Variants in PKNOX2 observed in about 807,000 individuals in gnomAD.
PKNOX2 encodes homeobox protein PKNOX2.
A neutral mutation model predicts 53.1 loss-of-function variants in PKNOX2; 14 were observed. The ratio of observed to expected loss-of-function variants is 0.26; its 90% CI spans 0.17 to 0.41. The LOEUF (loss-of-function observed/expected upper bound fraction) is 0.41. Ranked by LOEUF, PKNOX2 falls within the 10% of genes least tolerant of loss-of-function variation. The pLI is 1.00. For missense variants in PKNOX2, 496 were observed against 602.8 expected (o/e 0.82, Z 1.85); for synonymous variants, 257 against 242.8 (o/e 1.06, Z -0.54).
chr11:125,411,128 G>A (rs1385317388), intron 9 of PKNOX2: 3 of 437,738 alleles, frequency 6.9e-6, no homozygotes, highest in African/African-American at 2.0e-5. Flanking sequence ...TGCAGACTGA[G>A]CCGCTGTGTC....
chr11:125,228,637 G>A lies in PKNOX2; in HGVS notation c.-200-6408G>A, dbSNP rs139342772. On this transcript the variant is annotated intron_variant, in intron 1 of 12. Coordinates refer to ENST00000298282, the MANE Select transcript of PKNOX2 (RefSeq NM_001382323.2). ...CTTTCCCTGGAGGGTCATGTGAGCC[G>A]GAGTGGTATGTGGCCTGCTTTGCAA... is the stretch of plus-strand genomic sequence containing the variant. Among the ~76,000 whole-genome samples, 261 of 152,262 alleles carry A rather than the reference G, an allele frequency of 1.7e-3. 2 individuals are homozygous for A. Among genetic ancestry groups the A allele is most frequent in the African/African-American group, 3.0e-3 (124 of 41,576 alleles).
chr11:125,341,488 C>G (rs1022832625), intron 3 of PKNOX2, among the ~76,000 whole-genome samples: 6 of 152,226 alleles, frequency 3.9e-5, no homozygotes, highest in Non-Finnish European at 8.8e-5. Flanking sequence ...CCCCTTCTCC[C>G]CCAGTGAACA....
intron 2 of PKNOX2, among the ~76,000 whole-genome samples, chr11:125,286,763 AG>A (rs1380370302): frequency 6.6e-6 from 1 of 152,212 alleles, no homozygotes. Flanking sequence ...TCTGTCTGGG[AG>A]GGACATCTGC....
At chr11:125,178,678 G>GAA (rs1315026162) in intron 1 of PKNOX2, among the ~76,000 whole-genome samples, 1,927 of 77,780 alleles carry the variant, frequency 0.025, 166 homozygotes, top group African/African-American at 0.026. Context: ...AGGAAAGAAA[G>GAA]AGAGAGAGAG....
chr11:125,259,094 T>A (rs139047120), intron 2 of PKNOX2: 2,020 of 159,394 alleles, frequency 0.013, 20 homozygotes, highest in South Asian at 0.025. Flanking sequence ...TCCAGAGTAT[T>A]CATTCTCGGT....
At chr11:125,238,288 TG>T (rs905311281) in intron 2 of PKNOX2, among the ~76,000 whole-genome samples, 2 of 152,146 alleles carry the variant, frequency 1.3e-5, no homozygotes, top group African/African-American at 4.8e-5. Flanking sequence ...TGAGTGGACT[TG>T]GTCTTGATAA....
intron 3 of PKNOX2, among the ~76,000 whole-genome samples, chr11:125,333,330 G>C (rs1357806726): frequency 6.6e-6 from 1 of 152,186 alleles, no homozygotes; most frequent in Non-Finnish European, 1.5e-5. Flanking sequence ...CTGAGGCTGT[G>C]GATGCTGGAG....
chr11:125,272,114 G>A lies in PKNOX2; in HGVS notation c.-130+36999G>A, dbSNP rs80148953. Among the ~76,000 whole-genome samples, 1,094 of 152,334 alleles carry A rather than the reference G, an allele frequency of 7.2e-3. 15 individuals carry two copies. The highest frequency in any genetic ancestry group is 0.025 in the African/African-American group (1,032 of 41,578). ...TCATGCCTACTCTCCTACATCATTTGATACAAATTGCATGGAGGCTTGGAG... is the reference window on the plus strand; with the variant it reads ...TCATGCCTACTCTCCTACATCATTTAATACAAATTGCATGGAGGCTTGGAG... On this transcript the variant is annotated intron_variant, in intron 2 of 12. Transcript: ENST00000298282.
intron 4 of PKNOX2, among the ~76,000 whole-genome samples, chr11:125,367,302 C>A (rs1037083804): frequency 2.0e-5 from 3 of 152,190 alleles, no homozygotes; most frequent in African/African-American, 7.2e-5. Context: ...CTGTTCATTG[C>A]CCACTAAAGC....
At chr11:125,176,683 C>T (rs1955729283) in intron 1 of PKNOX2, among the ~76,000 whole-genome samples, 1 of 152,228 alleles carries the variant, frequency 6.6e-6, no homozygotes, top group Non-Finnish European at 1.5e-5. Context: ...TTTTGTCCCT[C>T]CTGTGGGGCC....
rs533000484 is a variant in PKNOX2 at position 125,296,357 on chromosome 11, C to T, written c.-129-35462C>T. 8.1e-4 allele frequency among the ~76,000 whole-genome samples: 123 copies of T among 152,298 alleles called. 1 individual carries two copies. Among genetic ancestry groups the T allele is most frequent in the African/African-American group, 1.2e-3 (50 of 41,570 alleles). ...ATACAGATCCCTGCCAGTTCAGCCA[C>T]GTCTCCTGCTCACTCTGTTCCAGCT... is the stretch of plus-strand genomic sequence containing the variant. On this transcript the variant is annotated intron_variant, in intron 2 of 12. Transcript: ENST00000298282.
chr11:125,185,957 TTTCCAC>T (rs1956422700), intron 1 of PKNOX2, among the ~76,000 whole-genome samples: 1 of 152,222 alleles, frequency 6.6e-6, no homozygotes, highest in African/African-American at 2.4e-5. Context: ...ACCAAACTGT[TTTCCAC>T]AACAGCTGCA....
intron 12 of PKNOX2, 73 bp from the exon 13 acceptor site, chr11:125,431,093 C>A (rs1956678648): frequency 6.5e-7 from 1 of 1,540,800 alleles, no homozygotes; most frequent in Non-Finnish European, 8.7e-7. Context: ...GTCCATTAAA[C>A]CCTGTCCAAC....
chr11:125,287,379 A>G (rs942941330), intron 2 of PKNOX2, among the ~76,000 whole-genome samples: 12 of 152,206 alleles, frequency 7.9e-5, no homozygotes, highest in African/African-American at 2.4e-4. Context: ...AAGTCTGGGA[A>G]ACTCACAGCA....
At chr11:125,322,713 C>T (rs1045990277) in intron 2 of PKNOX2, among the ~76,000 whole-genome samples, 3 of 152,182 alleles carry the variant, frequency 2.0e-5, no homozygotes, top group Non-Finnish European at 4.4e-5. Flanking sequence ...ACCCCTGTGT[C>T]CCCCAGATCC....
At position 125,370,044 on chromosome 11, in the gene PKNOX2, C is replaced by T. The variant is rs1196983853; in HGVS notation, c.227+2059C>T. 3.9e-5 allele frequency among the ~76,000 whole-genome samples: 6 copies of T among 152,132 alleles called. No individual in the cohort carries two copies. The highest frequency in any genetic ancestry group is 3.9e-4 in the Admixed American group (6 of 15,284). ...ACTGAAGACTCACCTCGCAGCTGCT[C>T]AGACCCCTGGGTCAGGGGCCTGTAG... On this transcript the variant is annotated intron_variant, in intron 5 of 12. Coordinates refer to ENST00000298282, the MANE Select transcript of PKNOX2 (RefSeq NM_001382323.2). The surrounding 1 kb of genome is among the most constrained non-coding windows in gnomAD (Gnocchi z 4.1).
intron 2 of PKNOX2, among the ~76,000 whole-genome samples, chr11:125,244,975 A>G (rs1297979842): frequency 6.6e-6 from 1 of 152,132 alleles, no homozygotes; most frequent in Non-Finnish European, 1.5e-5. Flanking sequence ...GAATTTAATT[A>G]ATGCCGCCAC....
chr11:125,168,910 T>C (rs1181419053), intron 1 of PKNOX2, among the ~76,000 whole-genome samples: 2 of 152,246 alleles, frequency 1.3e-5, no homozygotes, highest in Non-Finnish European at 2.9e-5. Flanking sequence ...TTCCTTGCTA[T>C]TTATTTAGCT....
chr11:125,272,415 T>C (rs1464031141), intron 2 of PKNOX2, among the ~76,000 whole-genome samples: 1 of 152,228 alleles, frequency 6.6e-6, no homozygotes, highest in Non-Finnish European at 1.5e-5. Flanking sequence ...AATGCTCTTG[T>C]CCCAGTTTCA....
Sources: allele counts gnomAD v4.1 joint callset (sites outside exome capture counted in the v4.1 genomes callset), GRCh38; gene constraint gnomAD v4.1.1; non-coding constraint Gnocchi (gnomAD v3.1); transcripts MANE v1.5; gene names NCBI Gene and HGNC (gene_info 2026-07-23, HGNC 2026-07-21).